The following KIDINS220 variants were observed in gnomAD, a reference collection of about 807,000 sequenced individuals.
KIDINS220 encodes kinase D-interacting substrate of 220 kDa.
KIDINS220 carries 63 observed loss-of-function variants against 157.6 expected under a neutral mutation model. The observed-to-expected ratio is 0.40, with a 90% CI of 0.33 to 0.49. KIDINS220 has a LOEUF of 0.49. Ranked by LOEUF, KIDINS220 falls within the 20% of genes least tolerant of loss-of-function variation. The pLI, the probability that KIDINS220 is intolerant of heterozygous loss-of-function variation, is 0.66. For synonymous variants in KIDINS220, 732 were observed against 783.6 expected, an observed-to-expected ratio of 0.93 and a Z score of 1.10; for missense variants, 1,772 against 2,171.2, an observed-to-expected ratio of 0.82 and a Z score of 3.65.
chr2:8,794,111 C>A, intron 11 of KIDINS220, 124 bp from the exon 12 acceptor site: 1 of 659,026 alleles, frequency 1.5e-6, no homozygotes, highest in East Asian at 3.0e-5. Context: ...ATATAAAGCA[C>A]ATATATAATA....
chr2:8,749,801 TAAAC>T (rs1667058065), intron 24 of KIDINS220, among the ~76,000 whole-genome samples: 1 of 152,078 alleles, frequency 6.6e-6, no homozygotes, highest in Admixed American at 6.5e-5. Flanking sequence ...CATTTGTTTA[TAAAC>T]AAACAAAAAA....
chr2:8,789,778 C>A, intron 14 of KIDINS220, 102 bp downstream of exon 14: 1 of 903,966 alleles, frequency 1.1e-6, no homozygotes, highest in Non-Finnish European at 1.7e-6. Flanking sequence ...TTATGAAAAT[C>A]ACATACAGGT....
At chr2:8,732,837 C>A (rs911957884) in intron 29 of KIDINS220, among the ~76,000 whole-genome samples, 1 of 152,166 alleles carries the variant, frequency 6.6e-6, no homozygotes, top group South Asian at 2.1e-4. Flanking sequence ...TTCTCCACAC[C>A]CTGCTCTGCT....
At chr2:8,748,034 C>A in intron 24 of KIDINS220, 34 bp from the exon 25 acceptor site, 1 of 1,245,926 alleles carries the variant, frequency 8.0e-7, no homozygotes, top group Non-Finnish European at 1.1e-6. Context: ...AAGGGGTAAA[C>A]AATTACAGAA....
chr2:8,778,442 T>C (rs1671259554), intron 20 of KIDINS220, among the ~76,000 whole-genome samples, 197 bp downstream of exon 20: 1 of 152,192 alleles, frequency 6.6e-6, no homozygotes, highest in Non-Finnish European at 1.5e-5. Flanking sequence ...TTGGGACCCC[T>C]ATACGAAGTA....
rs1197954319 is a variant in KIDINS220, at chr2:8,730,823, T to C, written c.5213A>G (p.Gln1738Arg). The change falls in exon 30 of 30, where the codon CAA becomes CGA. Residue 1738 changes from glutamine to arginine, a missense_variant. Around this residue, in one of 3 missense-constraint regions of KIDINS220, gnomAD observed 793 missense variants for 885.5 expected, o/e 0.90. Transcript: ENST00000256707. The stretch of plus-strand genomic sequence containing the variant: ...GGAGAGCCTTGTGTAACTTGAACGT[T>C]GGCTTCGCTTATGTGTCATGCTTTT... ...NLKSMTHKRS[Q>R]RSSYTRLSKD... is the part of the protein sequence containing the mutation. The C allele has an allele frequency of 6.2e-7, 1 of 1,614,258 alleles. No individual in the cohort carries two copies. Among genetic ancestry groups the C allele is most frequent in the Admixed American group, 1.7e-5 (1 of 60,034 alleles).
chr2:8,774,436 A>T (rs1670681875), intron 21 of KIDINS220, among the ~76,000 whole-genome samples: 1 of 152,148 alleles, frequency 6.6e-6, no homozygotes, highest in Non-Finnish European at 1.5e-5. Flanking sequence ...ATTAGAGGTG[A>T]TTTTTTCTGT....
chr2:8,779,139 C>T lies in KIDINS220; in HGVS notation c.2371G>A (p.Val791Ile). The change falls in exon 19 of 30, where the codon GTC becomes ATC. Residue 791 changes from valine (V) to isoleucine (I), a missense_variant and splice_region_variant. Val to Ile is a conservative substitution (Grantham distance 29, BLOSUM62 3). Around this residue, in one of 3 missense-constraint regions of KIDINS220, gnomAD observed 725 missense variants for 1,017.1 expected, o/e 0.71. Transcript: ENST00000256707. ...GGGCCTTTTGAAAACAGAACTCGGACCTGTGGCAGAAGAAATGTACAGTTG... is the reference window on the plus strand; with the variant it reads ...GGGCCTTTTGAAAACAGAACTCGGATCTGTGGCAGAAGAAATGTACAGTTG... ...QDKVLQMLDT[V>I]RVLFSKGPFI... 1 of 1,612,072 alleles carries T rather than the reference C, an allele frequency of 6.2e-7. No homozygotes were observed. Among genetic ancestry groups the T allele is most frequent in the Non-Finnish European group, 8.5e-7 (1 of 1,179,818 alleles).
At chr2:8,747,678 T>G (rs1666773974) in intron 25 of KIDINS220, 1 of 399,112 alleles carries the variant, frequency 2.5e-6, no homozygotes. Context: ...AAGTCAACAT[T>G]TCTTCGCTGA....
Position 8,806,369 on chromosome 2 carries a change from A to C in KIDINS220, c.505T>G (p.Tyr169Asp). Reference protein sequence around the residue: ...NGAKVNCSDKYGTTPLVWAAR... With the variant: ...NGAKVNCSDKDGTTPLVWAAR... The stretch of plus-strand genomic sequence containing the variant: ...GCCCAAACTAAAGGGGTGGTTCCAT[A>C]CTATTAAAACAAACAATAAATTTAA... The change falls in exon 7 of 30, where the codon TAT becomes GAT. Residue 169 changes from tyrosine (Y) to aspartate (D), a missense_variant and splice_region_variant. Physicochemically the swap from Tyr to Asp is radical, Grantham distance 160. Coordinates refer to ENST00000256707, the MANE Select transcript of KIDINS220 (RefSeq NM_020738.4). 6.4e-7 allele frequency: 1 copy of C among 1,554,410 alleles called. No individual in the cohort carries two copies. Among genetic ancestry groups the C allele is most frequent in the Non-Finnish European group, 8.7e-7 (1 of 1,149,820 alleles).
Position 8,827,139 on chromosome 2 carries a change from T to C in KIDINS220, c.-36-10A>G. On this transcript the variant is annotated splice_polypyrimidine_tract_variant and intron_variant, in intron 1 of 29. Transcript: ENST00000256707. ...AACTTTATTTGAATACCTGTTAAATTAGACAAAATACACATAATTTATAAT... is the reference window on the plus strand; with the variant it reads ...AACTTTATTTGAATACCTGTTAAATCAGACAAAATACACATAATTTATAAT... 1 of 977,930 alleles carries C rather than the reference T, an allele frequency of 1.0e-6. No homozygotes were observed. Among genetic ancestry groups the C allele is most frequent in the Middle Eastern group, 2.7e-4 (1 of 3,710 alleles). 60.6% of individuals were successfully genotyped at this position (977,930 alleles called of 1,614,324 possible). A position where few individuals can be genotyped will look rare whatever the true frequency, so the allele number is the denominator to read the frequency against.
chr2:8,789,339 G>A (rs1467654735), intron 14 of KIDINS220, among the ~76,000 whole-genome samples: 1 of 106,746 alleles, frequency 9.4e-6, no homozygotes, highest in Non-Finnish European at 2.2e-5. Flanking sequence ...CCAGGCTGGA[G>A]AGCAGTGGCG....
At chr2:8,819,660 C>G (rs1478100561) in intron 2 of KIDINS220, among the ~76,000 whole-genome samples, 1 of 151,916 alleles carries the variant, frequency 6.6e-6, no homozygotes, top group African/African-American at 2.4e-5. Flanking sequence ...CCTGTCTCTA[C>G]TAAAAATACA....
rs755650860 is a variant in KIDINS220, at chr2:8,776,731, T to C, written c.2848+17A>G. Reference sequence around the variant, plus strand: ...AAAGCTTATTAACTATCATAGACAATAAGAGACAAAAGTCACCTGTCACAG... The same window carrying C: ...AAAGCTTATTAACTATCATAGACAACAAGAGACAAAAGTCACCTGTCACAG... On this transcript the variant is annotated intron_variant, in intron 21 of 29. Transcript: ENST00000256707. The C allele has an allele frequency of 1.9e-6, 3 of 1,608,798 alleles. No homozygotes were observed. The highest frequency in any genetic ancestry group is 4.5e-5 in the East Asian group (2 of 44,830).
chr2:8,761,520 G>C (rs758103848), intron 22 of KIDINS220, among the ~76,000 whole-genome samples: 1 of 152,024 alleles, frequency 6.6e-6, no homozygotes. Flanking sequence ...GGAGACAAAA[G>C]TAGTACAACA....
chr2:8,788,741 C>A lies in KIDINS220; in HGVS notation c.1693G>T (p.Ala565Ser). 6.2e-7 allele frequency: 1 copy of A among 1,614,104 alleles called. No individual in the cohort carries two copies. The change falls in exon 15 of 30, where the codon GCA becomes TCA. Residue 565 changes from alanine to serine, a missense_variant. Coordinates refer to ENST00000256707, the MANE Select transcript of KIDINS220 (RefSeq NM_020738.4). ...NWAWVLSTRL[A>S]RHIGYLELLL... The stretch of plus-strand genomic sequence containing the variant: ...AGTTCCAAATATCCAATATGTCTTG[C>A]CAATCTAGTGCTGAGGACCCAGGCC...
chr2:8,783,941 GAA>G (rs1672047105), intron 17 of KIDINS220, among the ~76,000 whole-genome samples: 1 of 152,026 alleles, frequency 6.6e-6, no homozygotes, highest in South Asian at 2.1e-4. Context: ...CATATGAGGA[GAA>G]AAAGACCCAG....
intron 26 of KIDINS220, among the ~76,000 whole-genome samples, chr2:8,738,864 A>G (rs1023572686): frequency 8.5e-5 from 13 of 152,220 alleles, no homozygotes; most frequent in Admixed American, 7.2e-4. Context: ...TGATTATTAT[A>G]CTACAGTTAT....
chr2:8,795,120 C>T (rs1351099982), intron 11 of KIDINS220, among the ~76,000 whole-genome samples: 1 of 152,158 alleles, frequency 6.6e-6, no homozygotes, highest in Non-Finnish European at 1.5e-5. Context: ...TTCTTCACAC[C>T]GATCATCTTA....
Sources: gnomAD v4.1 joint callset for allele counts (sites outside exome capture counted in the v4.1 genomes callset) on GRCh38, gnomAD v4.1.1 for gene constraint, gnomAD v4.1.1 regional missense constraint, MANE v1.5 for transcripts, NCBI Gene and HGNC (gene_info 2026-07-23, HGNC 2026-07-21) for gene names.